The following WWOX variants were observed in gnomAD, a reference collection of about 807,000 sequenced individuals.
The protein encoded by WWOX is WW domain containing oxidoreductase.
A neutral mutation model predicts 46.2 loss-of-function variants in WWOX; 69 were observed. The observed-to-expected ratio is 1.49, with a 90% confidence interval of 1.23 to 1.82. WWOX has a LOEUF of 1.82. Ranked by LOEUF, WWOX falls within the 40% of genes most tolerant of loss-of-function variation. WWOX has a pLI of 0.00. For synonymous variants in WWOX, 359 were observed against 202.6 expected, an observed-to-expected ratio of 1.77 and a Z score of -6.56; for missense variants, 919 against 542.6, an observed-to-expected ratio of 1.69 and a Z score of -6.89.
At chr16:78,132,340 C>A (rs1008257892) in intron 4 of WWOX, among the ~76,000 whole-genome samples, 1 of 152,042 alleles carries the variant, frequency 6.6e-6, no homozygotes, top group Non-Finnish European at 1.5e-5. Context: ...TTTTTCTTAA[C>A]CTTTATTTCC....
chr16:78,253,959 G>A (rs1439645596), intron 5 of WWOX, among the ~76,000 whole-genome samples: 2 of 152,160 alleles, frequency 1.3e-5, no homozygotes, highest in South Asian at 2.1e-4. Context: ...GAGTGCAACC[G>A]GGAAGCTCAT....
chr16:78,962,923 C>G (rs1047893067), intron 8 of WWOX, among the ~76,000 whole-genome samples: 1 of 152,176 alleles, frequency 6.6e-6, no homozygotes, highest in Admixed American at 6.5e-5. Context: ...GCTTCTTTTA[C>G]TCCTCATTAG....
chr16:78,461,376 A>C (rs2083943955), intron 8 of WWOX, among the ~76,000 whole-genome samples: 1 of 152,210 alleles, frequency 6.6e-6, no homozygotes, highest in Non-Finnish European at 1.5e-5. Flanking sequence ...AAAACAAACA[A>C]ACAAACAAAC....
intron 8 of WWOX, among the ~76,000 whole-genome samples, chr16:78,604,484 G>A (rs915810250): frequency 2.6e-5 from 4 of 152,080 alleles, no homozygotes; most frequent in Admixed American, 2.0e-4. Context: ...CCAGAGGTCC[G>A]TCTGTGACAA....
rs143177412 is a variant in WWOX at position 78,808,046 on chromosome 16, C to G, written c.1056+375294C>G. ...AGTTCAAATGTCCCATCTTTCCCCA[C>G]AGACATTTGTGCTCAAAGGCATCCC... is the stretch of plus-strand genomic sequence containing the variant. On this transcript the variant is annotated intron_variant, in intron 8 of 8. Transcript: ENST00000566780. 4.0e-3 allele frequency among the ~76,000 whole-genome samples: 612 copies of G among 152,320 alleles called. 2 individuals carry two copies. Among genetic ancestry groups the G allele is most frequent in the Middle Eastern group, 0.02 (6 of 294 alleles).
chr16:78,642,324 A>G (rs1365925123), intron 8 of WWOX, among the ~76,000 whole-genome samples: 1 of 152,152 alleles, frequency 6.6e-6, no homozygotes, highest in African/African-American at 2.4e-5. Context: ...CAGAGTTGGG[A>G]TTTGAACCCA....
chr16:78,914,069 T>C (rs2045182339), intron 8 of WWOX, among the ~76,000 whole-genome samples: 1 of 152,064 alleles, frequency 6.6e-6, no homozygotes, highest in Non-Finnish European at 1.5e-5. Flanking sequence ...CATTTGGAAA[T>C]GGAGTATGAC....
At chr16:78,606,948 C>A (rs1462090509) in intron 8 of WWOX, among the ~76,000 whole-genome samples, 1 of 151,926 alleles carries the variant, frequency 6.6e-6, no homozygotes, top group East Asian at 1.9e-4. Flanking sequence ...TTAATTATGT[C>A]CAATGATCAT....
chr16:78,473,927 C>A (rs2084295071), intron 8 of WWOX, among the ~76,000 whole-genome samples: 1 of 152,156 alleles, frequency 6.6e-6, no homozygotes, highest in South Asian at 2.1e-4. Flanking sequence ...GAGAAAGTGG[C>A]CTCCCTTTCC....
intron 8 of WWOX, among the ~76,000 whole-genome samples, chr16:78,923,794 G>GTTTTTTTTTTT (rs56852814): frequency 9.8e-6 from 1 of 102,166 alleles, no homozygotes; most frequent in Non-Finnish European, 1.8e-5. Flanking sequence ...TTTTTAGTTA[G>GTTTTTTTTTTT]TTTTTTTTTT....
intron 8 of WWOX, among the ~76,000 whole-genome samples, chr16:79,058,612 G>A (rs1262600738): frequency 6.6e-6 from 1 of 151,976 alleles, no homozygotes; most frequent in East Asian, 1.9e-4. Context: ...TTATGAAGCT[G>A]GCCTAATCCC....
intron 4 of WWOX, among the ~76,000 whole-genome samples, chr16:78,115,768 A>T (rs2038348398): frequency 6.6e-6 from 1 of 152,158 alleles, no homozygotes; most frequent in Admixed American, 6.5e-5. Flanking sequence ...AGCAAACCAT[A>T]ACTCTTCATA....
intron 8 of WWOX, among the ~76,000 whole-genome samples, chr16:79,010,074 C>G (rs1387616489): frequency 1.3e-5 from 2 of 152,162 alleles, no homozygotes; most frequent in South Asian, 2.1e-4. Flanking sequence ...AAGGCCTTGG[C>G]CAGCTGCTCA....
At chr16:78,966,532 C>A (rs1351175289) in intron 8 of WWOX, among the ~76,000 whole-genome samples, 8 of 151,678 alleles carry the variant, frequency 5.3e-5, no homozygotes, top group Admixed American at 5.3e-4. Flanking sequence ...TAACTCTTCC[C>A]CTAATAGTGA....
chr16:78,757,472 C>A (rs943646386), intron 8 of WWOX, among the ~76,000 whole-genome samples: 1 of 152,088 alleles, frequency 6.6e-6, no homozygotes, highest in Non-Finnish European at 1.5e-5. Flanking sequence ...CTGACAAATA[C>A]CATCTAGGAC....
At chr16:78,622,041 G>C (rs2046202354) in intron 8 of WWOX, among the ~76,000 whole-genome samples, 1 of 152,142 alleles carries the variant, frequency 6.6e-6, no homozygotes, top group South Asian at 2.1e-4. Context: ...CTACCCAGTT[G>C]TTAGCTGCTG....
intron 8 of WWOX, among the ~76,000 whole-genome samples, chr16:78,755,234 CAAA>C (rs5818169): frequency 4.3e-5 from 6 of 139,838 alleles, no homozygotes; most frequent in Non-Finnish European, 4.6e-5. Context: ...AAAGTTTCAT[CAAA>C]AAAAAAAAAA....
chr16:79,196,760 T>C (rs2051248780), intron 8 of WWOX, among the ~76,000 whole-genome samples: 1 of 152,106 alleles, frequency 6.6e-6, no homozygotes. Flanking sequence ...TTACAACATG[T>C]AGATTTCACT....
chr16:78,935,422 C>A (rs555131166), intron 8 of WWOX, among the ~76,000 whole-genome samples: 2 of 152,078 alleles, frequency 1.3e-5, no homozygotes, highest in East Asian at 3.9e-4. Context: ...TACTACACAG[C>A]CATAAAAAAA....
Sources: gnomAD v4.1 joint callset for allele counts (sites outside exome capture counted in the v4.1 genomes callset) on GRCh38, gnomAD v4.1.1 for gene constraint, MANE v1.5 for transcripts, NCBI Gene and HGNC (gene_info 2026-07-23, HGNC 2026-07-21) for gene names.